Variants in OR2L13 observed in about 807,000 individuals in gnomAD.
The protein encoded by OR2L13 is olfactory receptor 2L13.
Under a neutral mutation model 15.3 loss-of-function variants are expected in OR2L13, and 14 were observed. The observed-to-expected ratio is 0.91, with a 90% CI of 0.60 to 1.43. The LOEUF is 1.43. Ranked by LOEUF, OR2L13 falls within the 40% of genes most tolerant of loss-of-function variation. The pLI is 0.00. For synonymous variants in OR2L13, 152 were observed against 142.9 expected, an observed-to-expected ratio of 1.06 and a Z score of -0.45; for missense variants, 367 against 387.9, an observed-to-expected ratio of 0.95 and a Z score of 0.45.
the OR2L13 span, chr1:248,042,292 G>T: frequency 6.8e-6 from 1 of 147,542 alleles, no homozygotes; most frequent in African/African-American, 2.5e-5. Context: ...ACTCATAGGT[G>T]GGAATTGAAC....
At chr1:247,966,013 G>T in the OR2L13 span, 11 of 1,613,556 alleles carry the variant, frequency 6.8e-6, no homozygotes, top group Non-Finnish European at 9.3e-6. Flanking sequence ...ACCATTCCTA[G>T]CCATTCTGGC....
the OR2L13 span, among the ~76,000 whole-genome samples, chr1:247,979,382 A>G: frequency 1.3e-5 from 2 of 151,412 alleles, no homozygotes; most frequent in East Asian, 3.9e-4. Flanking sequence ...TCATTGTTCA[A>G]CTCCCAGTTA....
At chr1:248,056,522 C>T in the OR2L13 span, among the ~76,000 whole-genome samples, 1 of 152,068 alleles carries the variant, frequency 6.6e-6, no homozygotes, top group African/African-American at 2.4e-5. Flanking sequence ...ACACTGATTT[C>T]TCTGCATCCC....
chr1:248,072,004 C>T, the OR2L13 span, among the ~76,000 whole-genome samples: 1 of 151,418 alleles, frequency 6.6e-6, no homozygotes, highest in Non-Finnish European at 1.5e-5. Context: ...AAGAACATTC[C>T]ATGCTCATGG....
the OR2L13 span, among the ~76,000 whole-genome samples, chr1:247,955,583 T>C: frequency 6.6e-6 from 1 of 151,464 alleles, no homozygotes; most frequent in African/African-American, 2.4e-5. Context: ...AAAGTGTTCC[T>C]ATTTCTCCAC....
chr1:247,955,306 C>A, the OR2L13 span, among the ~76,000 whole-genome samples: 1 of 152,010 alleles, frequency 6.6e-6, no homozygotes, highest in East Asian at 1.9e-4. Context: ...GCATAGTATT[C>A]CATGGTGTAT....
the OR2L13 span, chr1:248,022,367 T>A: frequency 1.9e-6 from 3 of 1,614,096 alleles, no homozygotes; most frequent in Non-Finnish European, 2.5e-6. Flanking sequence ...AAAGAATGTA[T>A]GTGCTGATGA....
At chr1:247,965,089 A>T in the OR2L13 span, 1 of 254,660 alleles carries the variant, frequency 3.9e-6, no homozygotes, top group African/African-American at 2.3e-5. Flanking sequence ...ACATATACTT[A>T]CATATAATTT....
chr1:247,966,029 A>G, the OR2L13 span: 3 of 1,613,938 alleles, frequency 1.9e-6, no homozygotes, highest in Non-Finnish European at 2.5e-6. Flanking sequence ...CTGGCTTCCT[A>G]TGCTCGTGTG....
chr1:247,966,646 C>T, the OR2L13 span, among the ~76,000 whole-genome samples: 1 of 152,168 alleles, frequency 6.6e-6, no homozygotes, highest in African/African-American at 2.4e-5. Flanking sequence ...TTCTTTCACT[C>T]AGGTGTTTTA....
chr1:248,070,983 A>T, the OR2L13 span, among the ~76,000 whole-genome samples: 1 of 152,188 alleles, frequency 6.6e-6, no homozygotes, highest in Non-Finnish European at 1.5e-5. Flanking sequence ...GGCAATAATC[A>T]ATAGCTTACC....
the OR2L13 span, among the ~76,000 whole-genome samples, chr1:247,952,587 T>C: frequency 6.6e-6 from 1 of 152,172 alleles, no homozygotes; most frequent in Non-Finnish European, 1.5e-5. Flanking sequence ...TCAGGCACTT[T>C]GTCTTGGACT....
At chr1:247,984,886 C>T in the OR2L13 span, among the ~76,000 whole-genome samples, 46,915 of 151,976 alleles carry the variant, frequency 0.31, 11,610 homozygotes, top group African/African-American at 0.69. Context: ...ATTATTCTCC[C>T]TGTCTCCCTT....
At chr1:248,060,040 C>CAA in the OR2L13 span, among the ~76,000 whole-genome samples, 1 of 129,104 alleles carries the variant, frequency 7.7e-6, no homozygotes. Context: ...CCCTGTCACT[C>CAA]AAAAAAAAAA....
At chr1:248,081,399 C>T in the OR2L13 span, among the ~76,000 whole-genome samples, 2 of 151,958 alleles carry the variant, frequency 1.3e-5, no homozygotes, top group African/African-American at 2.4e-5. Context: ...TTGTTGTTGT[C>T]GTCGTTGCTG....
the OR2L13 span, among the ~76,000 whole-genome samples, chr1:248,048,369 GT>G: frequency 6.6e-6 from 1 of 152,150 alleles, no homozygotes; most frequent in South Asian, 2.1e-4. Context: ...TCCTAAGTCA[GT>G]CAAATACAAC....
chr1:247,948,674 TATTA>T, the OR2L13 span, among the ~76,000 whole-genome samples: 2 of 152,228 alleles, frequency 1.3e-5, no homozygotes, highest in African/African-American at 2.4e-5. Context: ...TTGTCTAATT[TATTA>T]ATTAAACTTT....
chr1:247,981,903 C>T, the OR2L13 span, among the ~76,000 whole-genome samples: 1 of 151,888 alleles, frequency 6.6e-6, no homozygotes, highest in East Asian at 1.9e-4. Context: ...GCAAGCTCCG[C>T]CTCCCGGGTT....
the OR2L13 span, among the ~76,000 whole-genome samples, chr1:248,013,270 A>T: frequency 1.3e-5 from 2 of 152,196 alleles, 1 homozygote; most frequent in Non-Finnish European, 2.9e-5. Context: ...GCAGTGAATA[A>T]CAACATAAAA....
Sources: allele counts gnomAD v4.1 joint callset (sites outside exome capture counted in the v4.1 genomes callset), GRCh38; gene constraint gnomAD v4.1.1; transcripts MANE v1.5; gene names NCBI Gene and HGNC (gene_info 2026-07-23, HGNC 2026-07-21).